The following OR4N2 variants were observed in gnomAD, a reference collection of about 807,000 sequenced individuals.
The protein encoded by OR4N2 is olfactory receptor 4N2.
For synonymous variants in OR4N2, 141 were observed against 140.4 expected, an observed-to-expected ratio of 1.00 and a Z score of -0.03; for missense variants, 307 against 377.6, an observed-to-expected ratio of 0.81 and a Z score of 1.55.
intron 1 of OR4N2, among the ~76,000 whole-genome samples, chr14:19,824,627 A>G (rs1291147928): frequency 6.6e-6 from 1 of 152,236 alleles, no homozygotes; most frequent in Non-Finnish European, 1.5e-5. Context: ...CACCCCTGAC[A>G]CAGAAAAACT....
At chr14:19,823,230 T>C (rs1216457396) in intron 1 of OR4N2, among the ~76,000 whole-genome samples, 1 of 152,258 alleles carries the variant, frequency 6.6e-6, no homozygotes, top group African/African-American at 2.4e-5. Flanking sequence ...ACTACTAATA[T>C]TACATCCCTA....
chr14:19,822,798 G>A (rs1879599089), intron 1 of OR4N2, among the ~76,000 whole-genome samples: 1 of 152,230 alleles, frequency 6.6e-6, no homozygotes, highest in Admixed American at 6.5e-5. Flanking sequence ...TGATCCTCAT[G>A]TTACCCCCAT....
chr14:19,804,136 T>C (rs2138455962), intron 1 of OR4N2, among the ~76,000 whole-genome samples: 1 of 152,350 alleles, frequency 6.6e-6, no homozygotes, highest in South Asian at 2.1e-4. Context: ...GATGTGTTAT[T>C]CTGAAGAAAC....
intron 1 of OR4N2, among the ~76,000 whole-genome samples, chr14:19,806,124 G>A (rs2635544): frequency 0.082 from 12,194 of 149,516 alleles, 98 homozygotes; most frequent in East Asian, 0.18. Flanking sequence ...ACAAAAACAC[G>A]CTTAAGCACA....
At chr14:19,813,499 C>T (rs1447466131) in intron 1 of OR4N2, among the ~76,000 whole-genome samples, 3 of 152,238 alleles carry the variant, frequency 2.0e-5, no homozygotes, top group Non-Finnish European at 2.9e-5. Context: ...ACTGAGTACA[C>T]CACTGCAGTA....
At chr14:19,814,892 A>G (rs1879387007) in intron 1 of OR4N2, among the ~76,000 whole-genome samples, 1 of 151,716 alleles carries the variant, frequency 6.6e-6, no homozygotes, top group South Asian at 2.1e-4. Context: ...TCATTGTTCA[A>G]CTCCCACTTA....
rs537325343 is a variant in OR4N2, at chr14:19,813,200, T to A, written c.-10+9356T>A. ...AGACTAACCTACTCCAAGATGGGGTTGTTATTCCACTTAAGAACGTATCTA... is the reference window on the plus strand; with the variant it reads ...AGACTAACCTACTCCAAGATGGGGTAGTTATTCCACTTAAGAACGTATCTA... On this transcript the variant is annotated intron_variant, in intron 1 of 1. Transcript: ENST00000557677. 4.7e-3 allele frequency among the ~76,000 whole-genome samples: 722 copies of A among 152,248 alleles called. 1 individual carries two copies. The highest frequency in any genetic ancestry group is 6.9e-3 in the Non-Finnish European group (469 of 67,964).
At chr14:19,825,856 C>T (rs1394368682) in intron 1 of OR4N2, among the ~76,000 whole-genome samples, 3 of 152,206 alleles carry the variant, frequency 2.0e-5, no homozygotes, top group Admixed American at 1.3e-4. Context: ...TCGTGCCCGG[C>T]CGCTAGAGCA....
intron 1 of OR4N2, among the ~76,000 whole-genome samples, chr14:19,807,903 A>G (rs1338028950): frequency 2.0e-5 from 3 of 152,204 alleles, no homozygotes; most frequent in Admixed American, 1.3e-4. Flanking sequence ...AGTAGGTACT[A>G]TTCCTGAGAT....
intron 1 of OR4N2, among the ~76,000 whole-genome samples, chr14:19,804,701 T>C (rs1447526894): frequency 6.6e-6 from 1 of 152,224 alleles, no homozygotes; most frequent in African/African-American, 2.4e-5. Flanking sequence ...GTACTGTAGA[T>C]GTCTGTTAGG....
At chr14:19,804,605 T>C (rs1879118330) in intron 1 of OR4N2, among the ~76,000 whole-genome samples, 1 of 152,228 alleles carries the variant, frequency 6.6e-6, no homozygotes, top group African/African-American at 2.4e-5. Flanking sequence ...CTGAAAATTG[T>C]TTTATGATCG....
intron 1 of OR4N2, among the ~76,000 whole-genome samples, chr14:19,824,059 C>T (rs1879632050): frequency 6.6e-6 from 1 of 152,206 alleles, no homozygotes; most frequent in Non-Finnish European, 1.5e-5. Context: ...CTGATCAATG[C>T]ACGAATTAGC....
At chr14:19,811,841 T>TA (rs1217208819) in intron 1 of OR4N2, among the ~76,000 whole-genome samples, 1 of 152,366 alleles carries the variant, frequency 6.6e-6, no homozygotes, top group East Asian at 1.9e-4. Flanking sequence ...TAGCAACCAT[T>TA]ATAACATATG....
chr14:19,818,196 A>G (rs1879475784), intron 1 of OR4N2, among the ~76,000 whole-genome samples: 1 of 152,228 alleles, frequency 6.6e-6, no homozygotes, highest in Non-Finnish European at 1.5e-5. Flanking sequence ...GTAGATGTCT[A>G]TTAGGTCTGC....
At chr14:19,807,507 C>A in intron 1 of OR4N2, among the ~76,000 whole-genome samples, 1 of 152,142 alleles carries the variant, frequency 6.6e-6, no homozygotes, top group South Asian at 2.1e-4. Context: ...CATGGAAACA[C>A]ACAATCTCCC....
At chr14:19,821,222 C>A (rs1879557455) in intron 1 of OR4N2, among the ~76,000 whole-genome samples, 1 of 152,234 alleles carries the variant, frequency 6.6e-6, no homozygotes, top group Non-Finnish European at 1.5e-5. Context: ...TGATGTGATG[C>A]CCCACCCTGC....
At position 19,829,185 on chromosome 14, in the gene OR4N2, G is replaced by A. The variant is rs1197426270; in HGVS notation, c.*813G>A. ...AATAAGCAGAGAGTGGCAAAAGAAA[G>A]CTGGTTACTTTTACTGAAAAAGATC... is the stretch of plus-strand genomic sequence containing the variant. On this transcript the variant is annotated 3_prime_UTR_variant, in exon 2 of 2. Coordinates refer to ENST00000557677, the MANE Select transcript of OR4N2 (RefSeq NM_001004723.3). The A allele has an allele frequency of 2.6e-5, 4 of 152,214 alleles. No homozygotes were observed. The highest frequency in any genetic ancestry group is 5.9e-5 in the Non-Finnish European group (4 of 68,034). The allele number at this position is 152,214 out of a possible 1,614,324, so 9.4% of individuals were successfully genotyped here.
intron 1 of OR4N2, among the ~76,000 whole-genome samples, chr14:19,806,690 A>T (rs1217198979): frequency 6.6e-6 from 1 of 152,194 alleles, no homozygotes; most frequent in Non-Finnish European, 1.5e-5. Context: ...CTGGACTTAA[A>T]TTTGACACTT....
chr14:19,805,435 A>G (rs1162023744), intron 1 of OR4N2, among the ~76,000 whole-genome samples: 2 of 152,228 alleles, frequency 1.3e-5, no homozygotes, highest in Admixed American at 6.5e-5. Context: ...CACTAGAAGA[A>G]CTTCATAATA....
Sources: gnomAD v4.1 joint callset for allele counts (sites outside exome capture counted in the v4.1 genomes callset) on GRCh38, gnomAD v4.1.1 for gene constraint, MANE v1.5 for transcripts, NCBI Gene and HGNC (gene_info 2026-07-23, HGNC 2026-07-21) for gene names.